MLPH: variants seen among roughly 807,000 people sequenced by gnomAD.
MLPH encodes melanophilin, also known as exophilin-3.
Under a neutral mutation model 72.1 loss-of-function variants are expected in MLPH, and 51 were observed. The ratio of observed to expected loss-of-function variants is 0.71; its 90% CI spans 0.56 to 0.89. The LOEUF is 0.89. Ranked by LOEUF, MLPH falls within the 40% of genes least tolerant of loss-of-function variation. The pLI, the probability that MLPH is intolerant of heterozygous loss-of-function variation, is 0.00. For synonymous variants in MLPH, 301 were observed against 310.1 expected, an observed-to-expected ratio of 0.97 and a Z score of 0.31; for missense variants, 743 against 759.9, an observed-to-expected ratio of 0.98 and a Z score of 0.26.
Position 237,519,766 on chromosome 2 carries a change from T to C in MLPH, c.556-144T>C. ...CTCTGGGCTTGGTCAGGTTTGTTCC[T>C]AGTGGAGGGGGTGGATGTGCTGGGA... On this transcript the variant is annotated intron_variant, in intron 5 of 15. Coordinates refer to ENST00000264605, the MANE Select transcript of MLPH (RefSeq NM_024101.7). The C allele has an allele frequency of 4.2e-6, 5 of 1,203,418 alleles. No homozygotes were observed. The South Asian group carries it at 6.1e-5, about 15-fold the overall frequency. The allele number at this position is 1,203,418 out of a possible 1,614,324, so 74.5% of individuals were successfully genotyped here. A position where few individuals can be genotyped will look rare whatever the true frequency, so the allele number is the denominator to read the frequency against.
Position 237,510,669 on chromosome 2 carries a change from A to C in MLPH, c.206A>C (p.Gln69Pro). 1 of 1,613,804 alleles carries C rather than the reference A, an allele frequency of 6.2e-7. No individual in the cohort carries two copies. Among genetic ancestry groups the C allele is most frequent in the African/African-American group, 1.3e-5 (1 of 75,074 alleles). ...GAGACCCACTGCGCCCGCTGCCTGC[A>C]GCCCTACCAGCTGCTTGTGAATAGC... ...LNETHCARCL[Q>P]PYQLLVNSKR... is the part of the protein sequence containing the mutation. Residue 69 changes from glutamine (Q) to proline (P), a missense_variant, in exon 3 of 16, where the codon CAG (glutamine) becomes CCG (proline). Coordinates refer to ENST00000264605, the MANE Select transcript of MLPH (RefSeq NM_024101.7). The surrounding 1 kb of genome is among the most constrained non-coding windows in gnomAD (Gnocchi z 4.4).
In MLPH at chr2:237,525,711, G is replaced by C. The variant is rs148247698; in HGVS notation, c.786G>C (p.Pro262=). The change falls in exon 7 of 16, where the codon CCG becomes CCC. Residue 262 remains proline, a synonymous_variant. Coordinates refer to ENST00000264605, the MANE Select transcript of MLPH (RefSeq NM_024101.7). ...GCCACTCCCATCCGGAAGAGCAGCC[G>C]ACCAGCATCTCACCTTCCAGACACG... The part of the protein sequence containing the change: ...SGCHSHPEEQ[P]TSISPSRHGA... 6.2e-7 allele frequency: 1 copy of C among 1,614,018 alleles called. No homozygotes were observed. Among genetic ancestry groups the C allele is most frequent in the Non-Finnish European group, 8.5e-7 (1 of 1,180,038 alleles).
rs561632084 is a variant in MLPH, at chr2:237,492,288, A to G, written c.-24-1115A>G. On this transcript the variant is annotated intron_variant, in intron 1 of 15. Coordinates refer to ENST00000264605, the MANE Select transcript of MLPH (RefSeq NM_024101.7). The stretch of plus-strand genomic sequence containing the variant: ...GGTTTGACTTCTTGGTCATCAGGTT[A>G]CCTACAAACACAGCATCACATAGTG... Among the ~76,000 whole-genome samples the G allele has an allele frequency of 5.5e-4, 84 of 152,192 alleles. 1 individual carries two copies. Among genetic ancestry groups the G allele is most frequent in the Middle Eastern group, 6.8e-3 (2 of 294 alleles).
At chr2:237,486,500 C>T (rs1409593002), upstream of MLPH, 1 of 152,416 alleles carries the variant, frequency 6.6e-6, no homozygotes, top group East Asian at 1.9e-4. Flanking sequence ...GCTGAGCACC[C>T]AAAGGCCGGC....
intron 8 of MLPH, 88 bp from the exon 9 acceptor site, chr2:237,534,476 T>G: frequency 9.3e-7 from 1 of 1,073,384 alleles, no homozygotes; most frequent in Non-Finnish European, 1.4e-6. Flanking sequence ...TCTTGGGAAT[T>G]TGGTGCTTCA....
chr2:237,548,388 CAG>C (rs1190510472), intron 13 of MLPH, among the ~76,000 whole-genome samples: 2 of 152,204 alleles, frequency 1.3e-5, no homozygotes, highest in African/African-American at 4.8e-5. Context: ...AAAAGCCAAA[CAG>C]AGAATGGATT....
intron 13 of MLPH, among the ~76,000 whole-genome samples, chr2:237,548,475 G>T (rs994212073): frequency 9.2e-5 from 14 of 152,210 alleles, no homozygotes; most frequent in African/African-American, 3.4e-4. Context: ...CAGTCACAGG[G>T]ACCCAGGAAT....
intron 12 of MLPH, among the ~76,000 whole-genome samples, chr2:237,544,452 GGGGGAC>G (rs2080836503): frequency 3.7e-5 from 2 of 54,006 alleles, no homozygotes; most frequent in African/African-American, 2.9e-4. Context: ...GTAGTGAGTG[GGGGGAC>G]AGTAGTGAGT....
chr2:237,534,731 A>G, intron 9 of MLPH, 84 bp downstream of exon 9: 1 of 1,135,132 alleles, frequency 8.8e-7, no homozygotes, highest in Non-Finnish European at 1.3e-6. Flanking sequence ...GGCTTTTGGG[A>G]GAAGAGTTTC....
At chr2:237,522,397 C>T (rs2080206229) in intron 6 of MLPH, among the ~76,000 whole-genome samples, 2 of 110,146 alleles carry the variant, frequency 1.8e-5, no homozygotes, top group Non-Finnish European at 3.7e-5. Flanking sequence ...CAAACACCTG[C>T]TACAACTATA....
At chr2:237,497,166 C>T (rs892996988) in intron 2 of MLPH, among the ~76,000 whole-genome samples, 2 of 152,304 alleles carry the variant, frequency 1.3e-5, no homozygotes, top group African/African-American at 2.4e-5. Context: ...GAGTATCTAA[C>T]GCTGCCGCTG....
At chr2:237,549,413 C>T in intron 14 of MLPH, 135 bp downstream of exon 14, 1 of 919,538 alleles carries the variant, frequency 1.1e-6, no homozygotes, top group East Asian at 2.4e-5. Flanking sequence ...AAAAAACATT[C>T]CCAGTGCCGC....
intron 2 of MLPH, among the ~76,000 whole-genome samples, chr2:237,500,846 G>A (rs1268348474): frequency 6.6e-6 from 1 of 151,888 alleles, no homozygotes; most frequent in Non-Finnish European, 1.5e-5. Context: ...CTCAATGCCA[G>A]CCTCAGGTCA....
chr2:237,546,033 G>A (rs1023341293), intron 12 of MLPH, among the ~76,000 whole-genome samples: 6 of 152,142 alleles, frequency 3.9e-5, no homozygotes, highest in Non-Finnish European at 4.4e-5. Flanking sequence ...ACATCTTAGG[G>A]GGACATGAGA....
rs140293100 is a variant in MLPH at position 237,503,003 on chromosome 2, C to G, written c.111-7571C>G. Among the ~76,000 whole-genome samples, 584 of 152,240 alleles carry G rather than the reference C, an allele frequency of 3.8e-3. 13 individuals carry two copies. The South Asian group carries it at 0.041, about 11-fold the overall frequency. ...CCATGATGGCAGGCGCCTGTTGTCT[C>G]AGCTACTCAGGAGGCTGAGGCAGGA... On this transcript the variant is annotated intron_variant, in intron 2 of 15. Coordinates refer to ENST00000264605, the MANE Select transcript of MLPH (RefSeq NM_024101.7).
chr2:237,497,739 T>C (rs1309574221), intron 2 of MLPH, among the ~76,000 whole-genome samples: 1 of 152,260 alleles, frequency 6.6e-6, no homozygotes, highest in Non-Finnish European at 1.5e-5. Flanking sequence ...TCATCATTGC[T>C]AATCTGTGCG....
chr2:237,540,279 G>A, intron 9 of MLPH, 69 bp from the exon 10 acceptor site: 1 of 1,576,794 alleles, frequency 6.3e-7, no homozygotes, highest in South Asian at 1.1e-5. Context: ...CCATCTCCCA[G>A]AGCCAGCCCT....
intron 8 of MLPH, among the ~76,000 whole-genome samples, chr2:237,529,029 C>T (rs138608379): frequency 1.2e-4 from 18 of 152,170 alleles, no homozygotes; most frequent in South Asian, 4.2e-4. Flanking sequence ...CTATGTGAAA[C>T]GCTTAGCAGG....
rs1409103618 is a variant in MLPH, at chr2:237,487,309, T to G, written c.-153T>G. On this transcript the variant is annotated 5_prime_UTR_variant, in exon 1 of 16. Transcript: ENST00000264605. The stretch of plus-strand genomic sequence containing the variant: ...ACCAGCCGCTCTGCGCCCCGCGCCC[T>G]GCTTGCCCCCATTATCCAGCCTTGC... 6.6e-6 allele frequency: 1 copy of G among 152,444 alleles called. No homozygotes were observed. The highest frequency in any genetic ancestry group is 2.4e-5 in the African/African-American group (1 of 41,480). The allele number at this position is 152,444 out of a possible 1,614,324, so 9.4% of individuals were successfully genotyped here.
Sources: gnomAD v4.1 joint callset for allele counts (sites outside exome capture counted in the v4.1 genomes callset) on GRCh38, gnomAD v4.1.1 for gene constraint, Gnocchi (gnomAD v3.1) non-coding constraint, MANE v1.5 for transcripts, NCBI Gene and HGNC (gene_info 2026-07-23, HGNC 2026-07-21) for gene names.